HDAC4: variants seen among roughly 807,000 people sequenced by gnomAD.
HDAC4 encodes the protein histone deacetylase A.
HDAC4 carries 16 observed loss-of-function variants against 135.1 expected under a neutral mutation model. The ratio of observed to expected loss-of-function variants is 0.12; its 90% CI spans 0.08 to 0.18. HDAC4 has a LOEUF of 0.18. HDAC4 is among the 10% of genes least tolerant of loss of function. The pLI is 1.00. For missense variants in HDAC4, 1,143 were observed against 1,511.8 expected (o/e 0.76, Z 4.05); for synonymous variants, 685 against 653.4 (o/e 1.05, Z -0.74).
chr2:239,081,085 G>A lies in HDAC4; in HGVS notation c.2750+10C>T, dbSNP rs758387218. 1 of 1,601,678 alleles carries A rather than the reference G, an allele frequency of 6.2e-7. No homozygotes were observed. The highest frequency in any genetic ancestry group is 1.7e-5 in the Admixed American group (1 of 59,832). Reference sequence around the variant, plus strand: ...CTACTTCAGGTGTCATGTGAAGCCGGGAGGCTCACCTGAAGGCCGCCAAGT... The same window carrying A: ...CTACTTCAGGTGTCATGTGAAGCCGAGAGGCTCACCTGAAGGCCGCCAAGT... On this transcript the variant is annotated intron_variant, in intron 22 of 26. Transcript: ENST00000543185.
intron 4 of HDAC4, among the ~76,000 whole-genome samples, chr2:239,179,460 G>A (rs1026881656): frequency 6.6e-6 from 1 of 152,144 alleles, no homozygotes; most frequent in African/African-American, 2.4e-5. Context: ...TGTGCGTGTG[G>A]GGGATTTAGG....
chr2:239,229,819 T>G (rs1360065880), intron 3 of HDAC4, among the ~76,000 whole-genome samples: 1 of 152,088 alleles, frequency 6.6e-6, no homozygotes, highest in Non-Finnish European at 1.5e-5. Flanking sequence ...TCAGAGAGAA[T>G]AGATGGTAAA....
intron 24 of HDAC4, among the ~76,000 whole-genome samples, chr2:239,066,237 C>G (rs369212957): frequency 6.6e-6 from 1 of 152,238 alleles, no homozygotes; most frequent in East Asian, 1.9e-4. Context: ...GGTAGGGACA[C>G]AGCAGGGAGC....
chr2:239,183,853 G>A (rs768607114), intron 4 of HDAC4, among the ~76,000 whole-genome samples: 8 of 151,946 alleles, frequency 5.3e-5, no homozygotes, highest in Non-Finnish European at 7.4e-5. Context: ...CACCTTCCTC[G>A]GCCAGGTATT....
intron 11 of HDAC4, among the ~76,000 whole-genome samples, chr2:239,133,022 C>T (rs528772785): frequency 2.6e-5 from 4 of 152,188 alleles, no homozygotes; most frequent in African/African-American, 7.2e-5. Flanking sequence ...CCCCCTCCCT[C>T]GTTACACCAC....
At chr2:239,107,715 T>C (rs2038280640) in intron 15 of HDAC4, among the ~76,000 whole-genome samples, 2 of 152,240 alleles carry the variant, frequency 1.3e-5, no homozygotes, top group African/African-American at 4.8e-5. Context: ...ACTGGTTTCC[T>C]TGGGGAAGTG....
At chr2:239,080,766 A>C (rs930311327) in intron 22 of HDAC4, among the ~76,000 whole-genome samples, 4 of 152,234 alleles carry the variant, frequency 2.6e-5, no homozygotes, top group Non-Finnish European at 4.4e-5. Context: ...GAGACCCTGC[A>C]GGTCTTTGCC....
chr2:239,169,440 G>A (rs2152986165), intron 5 of HDAC4, among the ~76,000 whole-genome samples: 1 of 152,364 alleles, frequency 6.6e-6, no homozygotes, highest in Middle Eastern at 3.4e-3. Context: ...GGGACCGCGT[G>A]CTATTGTCTA....
At chr2:239,191,392 T>G (rs74003750) in intron 3 of HDAC4, among the ~76,000 whole-genome samples, 4,715 of 152,280 alleles carry the variant, frequency 0.031, 250 homozygotes, top group African/African-American at 0.11. Flanking sequence ...TAGGAAAACC[T>G]GCACTCCACA....
chr2:239,371,085 C>A (rs943932144), intron 1 of HDAC4, among the ~76,000 whole-genome samples: 18 of 152,216 alleles, frequency 1.2e-4, no homozygotes, highest in African/African-American at 3.9e-4. Flanking sequence ...CCAGCTGGGA[C>A]AGGGAATCAC....
At chr2:239,367,739 G>C (rs951273237) in intron 1 of HDAC4, among the ~76,000 whole-genome samples, 2 of 152,160 alleles carry the variant, frequency 1.3e-5, no homozygotes, top group Non-Finnish European at 2.9e-5. Context: ...ACTAATCTCA[G>C]CACTTTGGGA....
chr2:239,126,568 G>C lies in HDAC4; in HGVS notation c.1421C>G (p.Pro474Arg). ...CAGAGCCTGGGCGTTCTGGGGCAGC[G>C]GGGCCGACTGGGTCCGCCCCAGTGG... ...HRPLGRTQSAPLPQNAQALQH... is the reference protein window; with the variant it reads ...HRPLGRTQSARLPQNAQALQH... Residue 474 changes from proline (P) to arginine (R), a missense_variant, in exon 12 of 27, where the codon CCG (proline) becomes CGG (arginine). Around this residue, in one of 9 missense-constraint regions of HDAC4, gnomAD observed 272 missense variants for 309.7 expected, o/e 0.88. Transcript: ENST00000543185. The C allele has an allele frequency of 6.2e-7, 1 of 1,613,806 alleles. No homozygotes were observed. Among genetic ancestry groups the C allele is most frequent in the Non-Finnish European group, 8.5e-7 (1 of 1,179,972 alleles).
intron 6 of HDAC4, chr2:239,162,216 C>T (rs547677511): frequency 2.2e-6 from 1 of 456,792 alleles, no homozygotes; most frequent in South Asian, 1.5e-5. Flanking sequence ...TGCCCCACTC[C>T]TATCACTGTC....
At chr2:239,237,244 A>T (rs1230684124) in intron 2 of HDAC4, among the ~76,000 whole-genome samples, 1 of 152,130 alleles carries the variant, frequency 6.6e-6, no homozygotes, top group Non-Finnish European at 1.5e-5. Flanking sequence ...CCATCTATTC[A>T]GACTCACTGC....
At chr2:239,170,896 G>T (rs1311804632) in intron 5 of HDAC4, among the ~76,000 whole-genome samples, 1 of 152,160 alleles carries the variant, frequency 6.6e-6, no homozygotes, top group Non-Finnish European at 1.5e-5. Context: ...TCATGAGCTT[G>T]TGCGTAGGAC....
intron 3 of HDAC4, among the ~76,000 whole-genome samples, chr2:239,223,625 G>A (rs1388025156): frequency 6.6e-6 from 1 of 152,130 alleles, no homozygotes; most frequent in Admixed American, 6.5e-5. Context: ...AGTGACAGAT[G>A]GGTGGCCTTG....
intron 1 of HDAC4, among the ~76,000 whole-genome samples, chr2:239,380,159 CACA>C (rs1695313951): frequency 6.6e-6 from 1 of 152,222 alleles, no homozygotes; most frequent in Non-Finnish European, 1.5e-5. Flanking sequence ...AAGAAAACAG[CACA>C]ATCAGTTCTG....
In HDAC4 at chr2:239,303,316, G is replaced by C. The variant is rs940361093; in HGVS notation, c.22+49362C>G. 1.3e-5 allele frequency among the ~76,000 whole-genome samples: 2 copies of C among 152,214 alleles called. No individual in the cohort carries two copies. Among genetic ancestry groups the C allele is most frequent in the Admixed American group, 6.5e-5 (1 of 15,280 alleles). ...TCGCTTCCTTTTTATCTACGCTCCC[G>C]GATTGACTTGTCCTCCTCTGATGCC... On this transcript the variant is annotated intron_variant, in intron 2 of 26. Coordinates refer to ENST00000543185, the MANE Select transcript of HDAC4 (RefSeq NM_001378414.1). This position sits in a 1 kb window ranked among gnomAD's most constrained non-coding sequence, Gnocchi z 5.1.
chr2:239,092,411 A>G (rs1235885922), intron 17 of HDAC4, among the ~76,000 whole-genome samples: 1 of 152,184 alleles, frequency 6.6e-6, no homozygotes, highest in Non-Finnish European at 1.5e-5. Flanking sequence ...TTTCTCTCCA[A>G]CATACAATGA....
Sources: allele counts gnomAD v4.1 joint callset (sites outside exome capture counted in the v4.1 genomes callset), GRCh38; gene constraint gnomAD v4.1.1; regional missense constraint gnomAD v4.1.1; non-coding constraint Gnocchi (gnomAD v3.1); transcripts MANE v1.5; gene names NCBI Gene and HGNC (gene_info 2026-07-23, HGNC 2026-07-21).